CES5A: variants seen among roughly 807,000 people sequenced by gnomAD.
CES5A encodes carboxylesterase 5.
CES5A carries 67 observed loss-of-function variants against 62.9 expected under a neutral mutation model. The observed-to-expected ratio is 1.07, with a 90% CI of 0.88 to 1.31. The LOEUF (loss-of-function observed/expected upper bound fraction) is 1.31. Ranked by LOEUF, CES5A falls within the 50% of genes most tolerant of loss-of-function variation. The pLI, the probability that CES5A is intolerant of heterozygous loss-of-function variation, is 0.00. For synonymous variants in CES5A, 296 were observed against 280.8 expected, an observed-to-expected ratio of 1.05 and a Z score of -0.54; for missense variants, 748 against 708.5, an observed-to-expected ratio of 1.06 and a Z score of -0.63.
chr16:55,853,541 C>G (rs1377598023), intron 9 of CES5A, among the ~76,000 whole-genome samples: 1 of 152,156 alleles, frequency 6.6e-6, no homozygotes, highest in African/African-American at 2.4e-5. Context: ...GCCTCCAGCC[C>G]TTAGCTATTA....
At chr16:55,852,828 G>T in intron 10 of CES5A, 53 bp downstream of exon 10, 2 of 1,569,564 alleles carry the variant, frequency 1.3e-6, no homozygotes, top group Non-Finnish European at 1.7e-6. Context: ...GGATTTCCGT[G>T]GCCACCAGCC....
chr16:55,852,869 T>C lies in CES5A; in HGVS notation c.1273+12A>G. 5.0e-6 allele frequency: 8 copies of C among 1,609,058 alleles called. No homozygotes were observed. The highest frequency in any genetic ancestry group is 6.8e-6 in the Non-Finnish European group (8 of 1,176,986). On this transcript the variant is annotated intron_variant, in intron 10 of 12. Coordinates refer to ENST00000290567, the MANE Select transcript of CES5A (RefSeq NM_001143685.2). ...GGGCTATGGTCCTGGAGCGGGATGC[T>C]CAGATACTCACCTCTGTGATATCGA...
chr16:55,914,246 A>G (rs2034122562), intron 1 of CES5A, among the ~76,000 whole-genome samples: 2 of 152,210 alleles, frequency 1.3e-5, no homozygotes, highest in Admixed American at 6.5e-5. Flanking sequence ...GGAAAATAGT[A>G]TCTACTTACA....
chr16:55,856,338 A>G, intron 9 of CES5A, 39 bp downstream of exon 9: 1 of 1,590,670 alleles, frequency 6.3e-7, no homozygotes, highest in African/African-American at 1.3e-5. Context: ...TGTTAAGTGC[A>G]TGTGTCTCTG....
At chr16:55,885,388 G>A (rs1471053477) in intron 1 of CES5A, among the ~76,000 whole-genome samples, 1 of 152,122 alleles carries the variant, frequency 6.6e-6, no homozygotes, top group Non-Finnish European at 1.5e-5. Context: ...ACGTGCAAAG[G>A]AGCTGACATC....
intron 1 of CES5A, among the ~76,000 whole-genome samples, chr16:55,889,177 A>G (rs2033847850): frequency 6.6e-6 from 1 of 152,044 alleles, no homozygotes; most frequent in African/African-American, 2.4e-5. Flanking sequence ...ATTCTCATAC[A>G]CCATTCAACG....
chr16:55,874,120 G>A (rs2033653606), intron 1 of CES5A, 83 bp from the exon 2 acceptor site: 3 of 1,239,680 alleles, frequency 2.4e-6, no homozygotes, highest in African/African-American at 3.0e-5. Flanking sequence ...TCCCCAGTGG[G>A]GATGTGCTTC....
At chr16:55,876,747 G>T (rs2033699454), upstream of CES5A, among the ~76,000 whole-genome samples, 1 of 152,214 alleles carries the variant, frequency 6.6e-6, no homozygotes, top group Non-Finnish European at 1.5e-5. Context: ...GGCTAAGAGA[G>T]ATCTCAGGGG....
chr16:55,847,078 G>A lies in CES5A; in HGVS notation c.1424-238C>T, dbSNP rs189794132. On this transcript the variant is annotated intron_variant, in intron 11 of 12. Coordinates refer to ENST00000290567, the MANE Select transcript of CES5A (RefSeq NM_001143685.2). ...AACACACATCTTCCCTGTCCACCCCGTGTTCCTGCAGCCAGTCCCATGAGG... is the reference window on the plus strand; with the variant it reads ...AACACACATCTTCCCTGTCCACCCCATGTTCCTGCAGCCAGTCCCATGAGG... Among the ~76,000 whole-genome samples, 265 of 152,236 alleles carry A rather than the reference G, an allele frequency of 1.7e-3. 9 individuals are homozygous for A. The South Asian group carries it at 0.041, about 23-fold the overall frequency.
At chr16:55,914,683 T>C (rs2034127561) in intron 1 of CES5A, among the ~76,000 whole-genome samples, 1 of 152,110 alleles carries the variant, frequency 6.6e-6, no homozygotes. Flanking sequence ...CTCTAACGTT[T>C]GAGAATTGCT....
chr16:55,885,186 C>T (rs1160500725), intron 1 of CES5A, among the ~76,000 whole-genome samples: 1 of 152,054 alleles, frequency 6.6e-6, no homozygotes, highest in Non-Finnish European at 1.5e-5. Context: ...ATTGCACCTC[C>T]TACAGCATTC....
intron 1 of CES5A, among the ~76,000 whole-genome samples, chr16:55,886,646 C>T (rs2033818625): frequency 6.6e-6 from 1 of 152,168 alleles, no homozygotes; most frequent in South Asian, 2.1e-4. Context: ...ATAGCACTAT[C>T]CTAAGTGGGA....
chr16:55,919,825 C>T (rs2034184074), intron 1 of CES5A, among the ~76,000 whole-genome samples: 1 of 152,198 alleles, frequency 6.6e-6, no homozygotes, highest in South Asian at 2.1e-4. Context: ...CACATTTGAG[C>T]TCCTTCTTTT....
At chr16:55,930,533 C>G (rs372360720) in intron 2 of CES5A, among the ~76,000 whole-genome samples, 1 of 152,142 alleles carries the variant, frequency 6.6e-6, no homozygotes, top group Non-Finnish European at 1.5e-5. Context: ...CCATGTGATG[C>G]CTTGTGCCAC....
At chr16:55,904,241 T>A (rs1343151530) in intron 1 of CES5A, among the ~76,000 whole-genome samples, 1 of 152,260 alleles carries the variant, frequency 6.6e-6, no homozygotes, top group African/African-American at 2.4e-5. Context: ...TTCAACTCAC[T>A]GTGGTTTCAC....
At chr16:55,894,028 G>A (rs947693200) in intron 1 of CES5A, among the ~76,000 whole-genome samples, 11 of 151,654 alleles carry the variant, frequency 7.3e-5, no homozygotes, top group Non-Finnish European at 1.3e-4. Context: ...CAATAAGAAT[G>A]GTGTCTATTT....
At chr16:55,951,055 T>C (rs1327262063) in intron 1 of CES5A, among the ~76,000 whole-genome samples, 1 of 131,518 alleles carries the variant, frequency 7.6e-6, no homozygotes, top group Non-Finnish European at 1.5e-5. Context: ...TGAGCCAGGA[T>C]TGCGCCACAA....
intron 1 of CES5A, among the ~76,000 whole-genome samples, chr16:55,918,309 C>G (rs1006164966): frequency 1.3e-5 from 2 of 152,174 alleles, no homozygotes; most frequent in Admixed American, 1.3e-4. Context: ...CCCTTGGTGG[C>G]TGGATGTGCT....
chr16:55,904,223 A>G (rs897213872), intron 1 of CES5A, among the ~76,000 whole-genome samples: 2 of 152,250 alleles, frequency 1.3e-5, no homozygotes, highest in African/African-American at 4.8e-5. Flanking sequence ...ATCACGAAAG[A>G]GACCCAGTTC....
Sources: allele counts gnomAD v4.1 joint callset (sites outside exome capture counted in the v4.1 genomes callset), GRCh38; gene constraint gnomAD v4.1.1; transcripts MANE v1.5; gene names NCBI Gene and HGNC (gene_info 2026-07-23, HGNC 2026-07-21).